Variants in SAMD12 observed in about 807,000 individuals in gnomAD.
SAMD12 encodes sterile alpha motif domain containing 12.
Under a neutral mutation model 15.0 loss-of-function variants are expected in SAMD12, and 9 were observed. The ratio of observed to expected loss-of-function variants is 0.60; its 90% confidence interval spans 0.36 to 1.05. The LOEUF (loss-of-function observed/expected upper bound fraction) is 1.05, where lower values mean the gene tolerates loss of function less well. Ranked by LOEUF, SAMD12 falls within the 50% of genes least tolerant of loss-of-function variation. SAMD12 has a pLI of 0.01. For synonymous variants in SAMD12, 86 were observed against 90.1 expected (o/e 0.96, Z 0.25); for missense variants, 230 against 234.2 (o/e 0.98, Z 0.12).
At chr8:118,533,112 G>A (rs1825735630) in intron 2 of SAMD12, among the ~76,000 whole-genome samples, 2 of 152,116 alleles carry the variant, frequency 1.3e-5, no homozygotes, top group South Asian at 2.1e-4. Flanking sequence ...TGTTTTAAAT[G>A]TGTCCCAGAG....
intron 4 of SAMD12, among the ~76,000 whole-genome samples, chr8:118,264,643 G>A (rs1198011073): frequency 6.6e-6 from 1 of 152,102 alleles, no homozygotes; most frequent in East Asian, 1.9e-4. Flanking sequence ...AAGTCTCTGG[G>A]AACGGGACCT....
rs1267999691 is a variant in SAMD12, at chr8:118,552,693, G to A, written c.192+28022C>T. ...AAGTTCTGGCCACGGCAATTAGGCA[G>A]GAGAAGGAAATAAAGGGTATTCAAT... is the stretch of plus-strand genomic sequence containing the variant. On this transcript the variant is annotated intron_variant, in intron 2 of 3. Coordinates refer to ENST00000314727, the MANE Select transcript of SAMD12 (RefSeq NM_207506.3). Among the ~76,000 whole-genome samples, 44 of 152,090 alleles carry A rather than the reference G, an allele frequency of 2.9e-4. 1 individual carries two copies. Among genetic ancestry groups the A allele is most frequent in the Non-Finnish European group, 5.3e-4 (36 of 67,998 alleles).
At chr8:118,525,499 T>C (rs1328548119) in intron 2 of SAMD12, among the ~76,000 whole-genome samples, 1 of 152,178 alleles carries the variant, frequency 6.6e-6, no homozygotes, top group Non-Finnish European at 1.5e-5. Context: ...CCCTGAGCAG[T>C]GTCTGGCCCA....
intron 2 of SAMD12, among the ~76,000 whole-genome samples, chr8:118,528,388 C>G (rs1278024949): frequency 1.3e-5 from 2 of 152,146 alleles, no homozygotes; most frequent in East Asian, 3.8e-4. Context: ...CGTTTATAGT[C>G]TGAAATAGTA....
At chr8:118,601,140 G>A (rs1488078445) in intron 1 of SAMD12, among the ~76,000 whole-genome samples, 1 of 152,050 alleles carries the variant, frequency 6.6e-6, no homozygotes, top group African/African-American at 2.4e-5. Flanking sequence ...CCTTTTGAAG[G>A]TGAATTCATG....
intron 2 of SAMD12, among the ~76,000 whole-genome samples, chr8:118,483,656 T>C (rs1049432335): frequency 1.5e-4 from 23 of 152,226 alleles, no homozygotes; most frequent in Non-Finnish European, 3.4e-4. Context: ...TACTTTTATA[T>C]AATCGAAAAA....
chr8:118,463,120 A>G (rs1823483391), intron 2 of SAMD12, among the ~76,000 whole-genome samples: 1 of 151,438 alleles, frequency 6.6e-6, no homozygotes, highest in African/African-American at 2.4e-5. Flanking sequence ...AAAAAAAAAA[A>G]AAAAAAGTGA....
the SAMD12 span, among the ~76,000 whole-genome samples, chr8:118,142,859 G>A: frequency 1.3e-5 from 2 of 152,216 alleles, no homozygotes; most frequent in Non-Finnish European, 2.9e-5. Context: ...TGAGGAAGAA[G>A]AGTGAGGGAA....
chr8:118,157,803 T>C, the SAMD12 span, among the ~76,000 whole-genome samples: 8 of 152,320 alleles, frequency 5.3e-5, no homozygotes, highest in African/African-American at 1.9e-4. Context: ...TAACAGAGAC[T>C]GAGTTTGCCT....
chr8:118,263,877 A>T (rs1813140158), intron 4 of SAMD12, among the ~76,000 whole-genome samples: 1 of 152,092 alleles, frequency 6.6e-6, no homozygotes, highest in South Asian at 2.1e-4. Context: ...ACGCATAAAC[A>T]GTCCTTATAA....
the SAMD12 span, among the ~76,000 whole-genome samples, chr8:118,162,117 G>A: frequency 7.3e-5 from 11 of 149,804 alleles, no homozygotes; most frequent in East Asian, 3.9e-4. Flanking sequence ...CCGAGATCAC[G>A]CCACTGCACT....
chr8:118,304,037 G>T (rs540049491), intron 4 of SAMD12, among the ~76,000 whole-genome samples: 2 of 152,172 alleles, frequency 1.3e-5, no homozygotes, highest in Non-Finnish European at 2.9e-5. Context: ...CCCAGAAATC[G>T]AGCCTTCCTA....
intron 2 of SAMD12, among the ~76,000 whole-genome samples, chr8:118,498,407 G>T (rs1824687840): frequency 6.6e-6 from 1 of 152,198 alleles, no homozygotes; most frequent in African/African-American, 2.4e-5. Context: ...CTGCTTGTTG[G>T]CATGTTATGC....
intron 1 of SAMD12, chr8:118,621,008 G>T (rs1828387767): frequency 1.3e-5 from 2 of 152,084 alleles, no homozygotes; most frequent in South Asian, 2.1e-4. Context: ...GGAAGTTTGT[G>T]TTCCAAGGTA....
At chr8:118,480,965 CAG>C (rs1824108167) in intron 2 of SAMD12, among the ~76,000 whole-genome samples, 1 of 152,216 alleles carries the variant, frequency 6.6e-6, no homozygotes, top group Non-Finnish European at 1.5e-5. Context: ...TATTTTGAGA[CAG>C]AGTTTCACTC....
chr8:118,339,392 A>G (rs1046072024), intron 4 of SAMD12, among the ~76,000 whole-genome samples: 1 of 152,172 alleles, frequency 6.6e-6, no homozygotes, highest in Non-Finnish European at 1.5e-5. Context: ...ACAAGCTGAC[A>G]CTTTGCTAAA....
At chr8:118,507,783 G>A (rs1222286340) in intron 2 of SAMD12, among the ~76,000 whole-genome samples, 1 of 152,080 alleles carries the variant, frequency 6.6e-6, no homozygotes, top group Non-Finnish European at 1.5e-5. Flanking sequence ...CTGTGGCTAT[G>A]AAGAGTGATG....
chr8:118,306,012 G>A (rs1283357875), intron 4 of SAMD12, among the ~76,000 whole-genome samples: 1 of 152,142 alleles, frequency 6.6e-6, no homozygotes, highest in Non-Finnish European at 1.5e-5. Flanking sequence ...GTTCTGCCAG[G>A]CAGCCTGTTA....
chr8:118,159,899 T>A, the SAMD12 span, among the ~76,000 whole-genome samples: 1 of 151,938 alleles, frequency 6.6e-6, no homozygotes, highest in Non-Finnish European at 1.5e-5. Flanking sequence ...TTTGTATTTT[T>A]AGTAGAGACA....
Sources: allele counts gnomAD v4.1 joint callset (sites outside exome capture counted in the v4.1 genomes callset), GRCh38; gene constraint gnomAD v4.1.1; transcripts MANE v1.5; gene names NCBI Gene and HGNC (gene_info 2026-07-23, HGNC 2026-07-21).